MAGI2: variants seen among roughly 807,000 people sequenced by gnomAD.
The protein encoded by MAGI2 is membrane associated guanylate kinase, WW and PDZ domain containing 2.
A neutral mutation model predicts 133.3 loss-of-function variants in MAGI2; 35 were observed. The ratio of observed to expected loss-of-function variants is 0.26; its 90% confidence interval spans 0.20 to 0.35. The LOEUF is 0.35. Ranked by LOEUF, MAGI2 falls within the 10% of genes least tolerant of loss-of-function variation. The pLI is 1.00. For missense variants in MAGI2, 1,636 were observed against 1,863.4 expected (o/e 0.88, Z 2.25); for synonymous variants, 729 against 710.6 (o/e 1.03, Z -0.41).
chr7:79,384,599 T>C (rs993859141), intron 1 of MAGI2, among the ~76,000 whole-genome samples: 10 of 151,646 alleles, frequency 6.6e-5, no homozygotes, highest in African/African-American at 1.9e-4. Flanking sequence ...ACTATGGTTT[T>C]CTCATTAGCT....
At chr7:78,197,028 T>C (rs1370759663) in intron 11 of MAGI2, among the ~76,000 whole-genome samples, 1 of 152,248 alleles carries the variant, frequency 6.6e-6, no homozygotes, top group Non-Finnish European at 1.5e-5. Context: ...GAATAACTGT[T>C]AAATATGGTT....
At chr7:79,350,180 G>A (rs762111704) in intron 1 of MAGI2, among the ~76,000 whole-genome samples, 1 of 152,038 alleles carries the variant, frequency 6.6e-6, no homozygotes, top group Non-Finnish European at 1.5e-5. Flanking sequence ...AAATTAAAAA[G>A]CGAAAAGCCT....
At chr7:78,230,119 C>A (rs1405965904) in intron 10 of MAGI2, among the ~76,000 whole-genome samples, 1 of 152,192 alleles carries the variant, frequency 6.6e-6, no homozygotes, top group Non-Finnish European at 1.5e-5. Context: ...AGCACTAGAA[C>A]TAATTAGACC....
intron 1 of MAGI2, among the ~76,000 whole-genome samples, chr7:79,330,038 A>G (rs1839949884): frequency 1.3e-5 from 2 of 152,142 alleles, no homozygotes; most frequent in African/African-American, 4.8e-5. Flanking sequence ...GATGGGCTTT[A>G]GCAGATACTC....
intron 20 of MAGI2, among the ~76,000 whole-genome samples, chr7:78,089,104 A>G (rs1397977467): frequency 6.6e-6 from 1 of 152,226 alleles, no homozygotes; most frequent in Non-Finnish European, 1.5e-5. Flanking sequence ...CCCTGCTGAC[A>G]TGGTACTTTG....
At chr7:78,789,565 G>T (rs1457676489) in intron 2 of MAGI2, among the ~76,000 whole-genome samples, 2 of 151,624 alleles carry the variant, frequency 1.3e-5, no homozygotes, top group Non-Finnish European at 2.9e-5. Context: ...ATTTTTATTT[G>T]TAAGTTTGAT....
chr7:78,945,206 C>T (rs181210358), intron 2 of MAGI2, among the ~76,000 whole-genome samples: 3 of 151,886 alleles, frequency 2.0e-5, no homozygotes, highest in Non-Finnish European at 2.9e-5. Flanking sequence ...GGAGCATAGG[C>T]GTGCATCCCC....
chr7:78,773,625 G>A (rs879699735), intron 2 of MAGI2, among the ~76,000 whole-genome samples: 11 of 152,092 alleles, frequency 7.2e-5, no homozygotes, highest in Non-Finnish European at 1.6e-4. Context: ...TGGAGTGTCA[G>A]AAAAAGAAGA....
intron 2 of MAGI2, among the ~76,000 whole-genome samples, chr7:78,633,211 G>C (rs1294885526): frequency 6.6e-6 from 1 of 152,194 alleles, no homozygotes; most frequent in Non-Finnish European, 1.5e-5. Flanking sequence ...GGAACACAAA[G>C]TAGGCAACAA....
chr7:78,755,690 G>T (rs967844311), intron 2 of MAGI2, among the ~76,000 whole-genome samples: 1 of 152,180 alleles, frequency 6.6e-6, no homozygotes, highest in African/African-American at 2.4e-5. Flanking sequence ...GGTGGAACTT[G>T]TAACTCCTGA....
chr7:78,054,490 G>T (rs180927759), intron 21 of MAGI2, among the ~76,000 whole-genome samples: 1 of 151,968 alleles, frequency 6.6e-6, no homozygotes, highest in Admixed American at 6.6e-5. Flanking sequence ...TCTTTAAAAA[G>T]CCTCCATCTC....
intron 3 of MAGI2, chr7:78,618,385 T>G (rs952108869): frequency 5.3e-5 from 8 of 152,106 alleles, no homozygotes; most frequent in Non-Finnish European, 1.0e-4. Context: ...ATACACTCAT[T>G]AAATTATGAT....
chr7:78,671,256 A>G (rs990178256), intron 2 of MAGI2, among the ~76,000 whole-genome samples: 3 of 149,500 alleles, frequency 2.0e-5, no homozygotes, highest in African/African-American at 7.4e-5. Flanking sequence ...CTTGCAAAAC[A>G]TAATTTAATT....
chr7:79,242,540 GTA>G (rs1832497802), intron 1 of MAGI2, among the ~76,000 whole-genome samples: 3 of 152,092 alleles, frequency 2.0e-5, no homozygotes, highest in African/African-American at 4.8e-5. Flanking sequence ...TCTACTCTTA[GTA>G]TGCTTTATTT....
chr7:79,230,492 T>A (rs1233319900), intron 1 of MAGI2, among the ~76,000 whole-genome samples: 1 of 151,864 alleles, frequency 6.6e-6, no homozygotes, highest in East Asian at 1.9e-4. Context: ...TTCTAACTGG[T>A]GTGAGATGGT....
chr7:79,048,409 A>C (rs1812369543), intron 1 of MAGI2, among the ~76,000 whole-genome samples: 1 of 152,206 alleles, frequency 6.6e-6, no homozygotes, highest in Non-Finnish European at 1.5e-5. Context: ...TGTTGTGTGA[A>C]TGGTATTTGA....
At chr7:79,215,616 C>A (rs1197144635) in intron 1 of MAGI2, among the ~76,000 whole-genome samples, 1 of 151,980 alleles carries the variant, frequency 6.6e-6, no homozygotes, top group Non-Finnish European at 1.5e-5. Context: ...TTTGAATACA[C>A]CTATGACCTG....
chr7:78,219,459 T>C (rs1309534319), intron 10 of MAGI2, among the ~76,000 whole-genome samples: 1 of 152,180 alleles, frequency 6.6e-6, no homozygotes, highest in Non-Finnish European at 1.5e-5. Flanking sequence ...GCACCCACTT[T>C]TCTCTTCTCA....
At position 78,185,793 on chromosome 7, in the gene MAGI2, T is replaced by TC. The variant is rs1207057119; in HGVS notation, c.2270-124_2270-123insG. On this transcript the variant is annotated intron_variant, in intron 12 of 21. Coordinates refer to ENST00000354212, the MANE Select transcript of MAGI2 (RefSeq NM_012301.4). Reference sequence around the variant, plus strand: ...ACAATCTCATACTTATGTTTAAGACTTTTTTTTTCCTCTAAGATCCAAGTT... The same window carrying TC: ...ACAATCTCATACTTATGTTTAAGACTCTTTTTTTTCCTCTAAGATCCAAGTT... 1.6e-5 allele frequency: 9 copies of TC among 571,466 alleles called. No homozygotes were observed. In the East Asian group the frequency reaches 2.9e-4, roughly 19 times the overall value. 35.4% of individuals were successfully genotyped at this position (571,466 alleles called of 1,614,324 possible).
Sources: allele counts gnomAD v4.1 joint callset (sites outside exome capture counted in the v4.1 genomes callset), GRCh38; gene constraint gnomAD v4.1.1; transcripts MANE v1.5; gene names NCBI Gene and HGNC (gene_info 2026-07-23, HGNC 2026-07-21).